R3HCC1: variants seen among roughly 807,000 people sequenced by gnomAD.
R3HCC1 encodes the protein R3H domain and coiled-coil containing 1.
Under a neutral mutation model 40.0 loss-of-function variants are expected in R3HCC1, and 32 were observed. That is an observed-to-expected ratio of 0.80 (90% CI 0.60 to 1.07). The LOEUF is 1.07. Ranked by LOEUF, R3HCC1 falls within the 50% of genes least tolerant of loss-of-function variation. R3HCC1 has a pLI of 0.00. For missense variants in R3HCC1, 586 were observed against 563.3 expected (o/e 1.04, Z -0.41); for synonymous variants, 237 against 232.8 (o/e 1.02, Z -0.17).
At chr8:23,293,503 G>C in intron 6 of R3HCC1, 130 bp downstream of exon 6, 1 of 692,480 alleles carries the variant, frequency 1.4e-6, no homozygotes, top group South Asian at 1.9e-5. Context: ...TGGGGGTTTT[G>C]TTCCCAGCCT....
Position 23,291,303 on chromosome 8 carries a change from G to C in R3HCC1, c.853-58G>C. On this transcript the variant is annotated intron_variant, in intron 4 of 7. Transcript: ENST00000265806. ...TGCAGAGCTCTCAGCGCGTGGGCTA[G>C]TGGTTTGGGAGCTCTGCGTGTCCAA... is the stretch of plus-strand genomic sequence containing the variant. The C allele has an allele frequency of 3.3e-6, 5 of 1,521,608 alleles. No individual in the cohort carries two copies. In the Admixed American group the frequency reaches 1.0e-4, roughly 31 times the overall value. 94.3% of individuals were successfully genotyped at this position (1,521,608 alleles called of 1,614,324 possible).
intron 4 of R3HCC1, among the ~76,000 whole-genome samples, chr8:23,290,690 T>C (rs181197871): frequency 6.6e-5 from 10 of 152,298 alleles, no homozygotes; most frequent in East Asian, 5.8e-4. Flanking sequence ...GGGCAAGTTA[T>C]TTTGTTTGGC....
At chr8:23,291,949 G>C (rs1266335673) in intron 5 of R3HCC1, among the ~76,000 whole-genome samples, 1 of 152,232 alleles carries the variant, frequency 6.6e-6, no homozygotes, top group African/African-American at 2.4e-5. Context: ...CAGCCTGCTG[G>C]GGCAGAGTGG....
At chr8:23,291,194 C>A in intron 4 of R3HCC1, 167 bp from the exon 5 acceptor site, 1 of 897,488 alleles carries the variant, frequency 1.1e-6, no homozygotes, top group Non-Finnish European at 1.6e-6. Context: ...CCGTAAAACC[C>A]ATGCGTCTTG....
intron 7 of R3HCC1, chr8:23,295,498 C>G (rs1395603781): frequency 2.2e-6 from 1 of 458,246 alleles, no homozygotes; most frequent in African/African-American, 2.0e-5. Flanking sequence ...TTTTCCATGA[C>G]TTCAAAGTAG....
rs1803005838 is a variant in R3HCC1 at position 23,295,981 on chromosome 8, G to A, written c.1207G>A (p.Val403Met). ...TTTCCTTCTAGAACTCCTGCGTCTGGTGAAGGAGAGGCCACAGACAAATGC... is the reference window on the plus strand; with the variant it reads ...TTTCCTTCTAGAACTCCTGCGTCTGATGAAGGAGAGGCCACAGACAAATGC... Residue 403 changes from valine to methionine, a missense_variant, in exon 8 of 8, where the codon GTG becomes ATG. Transcript: ENST00000265806. 1 of 1,550,502 alleles carries A rather than the reference G, an allele frequency of 6.4e-7. No individual in the cohort carries two copies. The highest frequency in any genetic ancestry group is 8.7e-7 in the Non-Finnish European group (1 of 1,146,752).
At chr8:23,292,487 G>A (rs1390179231) in intron 5 of R3HCC1, among the ~76,000 whole-genome samples, 1 of 152,150 alleles carries the variant, frequency 6.6e-6, no homozygotes, top group Non-Finnish European at 1.5e-5. Flanking sequence ...GGTGGCAGGC[G>A]CCTGTAGTCC....
intron 7 of R3HCC1, chr8:23,295,625 C>T: frequency 4.3e-6 from 2 of 466,502 alleles, no homozygotes; most frequent in South Asian, 1.9e-5. Flanking sequence ...GTCCGTAGGT[C>T]TGTGAGCTCT....
At chr8:23,289,317 C>A (rs1010895747) in intron 3 of R3HCC1, among the ~76,000 whole-genome samples, 164 bp downstream of exon 3, 1 of 152,240 alleles carries the variant, frequency 6.6e-6, no homozygotes, top group African/African-American at 2.4e-5. Flanking sequence ...TTTGCATCAA[C>A]AGTGGAGCAG....
intron 3 of R3HCC1, 95 bp from the exon 4 acceptor site, chr8:23,289,771 C>T (rs1051320057): frequency 1.4e-6 from 2 of 1,426,852 alleles, no homozygotes; most frequent in African/African-American, 2.9e-5. Context: ...CTAATGCTGA[C>T]CCGAATGTCT....
chr8:23,295,541 C>G (rs1253277960), intron 7 of R3HCC1: 1 of 463,160 alleles, frequency 2.2e-6, no homozygotes, highest in South Asian at 1.5e-5. Flanking sequence ...AGAGGCCTGC[C>G]GAGGCCAGCT....
chr8:23,291,275 C>T (rs1802860182), intron 4 of R3HCC1, 86 bp from the exon 5 acceptor site: 4 of 1,466,082 alleles, frequency 2.7e-6, no homozygotes, highest in Non-Finnish European at 9.1e-7. Context: ...GGCCCCTTCT[C>T]CCTGCAGAGC....
At chr8:23,295,750 A>C in intron 7 of R3HCC1, 1 of 615,614 alleles carries the variant, frequency 1.6e-6, no homozygotes, top group Admixed American at 3.1e-5. Context: ...GGGCATGTAG[A>C]GGCGACAAGT....
At chr8:23,294,934 TGC>T (rs1563180850) in intron 7 of R3HCC1, 70 bp downstream of exon 7, 8 of 1,101,674 alleles carry the variant, frequency 7.3e-6, no homozygotes, top group South Asian at 1.3e-5. Context: ...TGTGTGTGTG[TGC>T]GTGTGTGTGT....
intron 1 of R3HCC1, 45 bp from the exon 2 acceptor site, chr8:23,288,461 G>A (rs1445185782): frequency 6.5e-7 from 1 of 1,528,644 alleles, no homozygotes; most frequent in South Asian, 1.2e-5. Flanking sequence ...CGGGAGATCC[G>A]GGGGTCTGTG....
intron 7 of R3HCC1, chr8:23,295,572 G>T: frequency 2.2e-6 from 1 of 463,374 alleles, no homozygotes; most frequent in South Asian, 1.6e-5. Flanking sequence ...GGGTGGTTAC[G>T]TAGCCAACAT....
chr8:23,292,296 C>T (rs900920194), intron 5 of R3HCC1, among the ~76,000 whole-genome samples: 3 of 152,084 alleles, frequency 2.0e-5, no homozygotes, highest in Non-Finnish European at 2.9e-5. Context: ...CCCAGCTCTG[C>T]CTAGGCTTTT....
Position 23,294,800 on chromosome 8 carries a change from G to C in R3HCC1, c.1128G>C (p.Val376=), listed in dbSNP as rs1295800105. Reference sequence around the variant, plus strand: ...AAGCCCTGACCCGGGAGTTCTCGGTGCTCAAGATCCGGCCCCTCACACAGG... The same window carrying C: ...AAGCCCTGACCCGGGAGTTCTCGGTCCTCAAGATCCGGCCCCTCACACAGG... The change falls in exon 7 of 8, where the codon GTG becomes GTC. Residue 376 remains valine, a synonymous_variant. Transcript: ENST00000265806. 3 of 1,551,294 alleles carry C rather than the reference G, an allele frequency of 1.9e-6. No homozygotes were observed. Among genetic ancestry groups the C allele is most frequent in the African/African-American group, 2.7e-5 (2 of 73,004 alleles).
In R3HCC1 at chr8:23,290,383, G is replaced by A. The variant is rs1563178850; in HGVS notation, c.766G>A (p.Ala256Thr). ...GAGTCTGTTGGAGAAGAGGCTGGTG[G>A]CAGAGGAGGAAGAGGACGAAGAGGA... The change falls in exon 4 of 8, where the codon GCA (alanine) becomes ACA (threonine). Residue 256 changes from alanine to threonine, a missense_variant. By Grantham distance (58) the Ala-to-Thr change is moderately conservative. Transcript: ENST00000265806. The A allele has an allele frequency of 6.4e-7, 1 of 1,551,800 alleles. No individual in the cohort carries two copies. The highest frequency in any genetic ancestry group is 2.4e-5 in the East Asian group (1 of 40,926).
Sources: allele counts gnomAD v4.1 joint callset (sites outside exome capture counted in the v4.1 genomes callset), GRCh38; gene constraint gnomAD v4.1.1; transcripts MANE v1.5; gene names NCBI Gene and HGNC (gene_info 2026-07-23, HGNC 2026-07-21).